Variants in GLI2 observed in about 807,000 individuals in gnomAD.
The protein encoded by GLI2 is transcription activator GLI2.
GLI2 carries 22 observed loss-of-function variants against 78.9 expected under a neutral mutation model. That is an observed-to-expected ratio of 0.28 (90% CI 0.20 to 0.40). The LOEUF is 0.40. GLI2 is among the 10% of genes least tolerant of loss of function. The probability of loss-of-function intolerance (pLI) is 1.00; values close to 1 mark genes in which losing one functional copy is unlikely to be tolerated. For missense variants in GLI2, 2,097 were observed against 2,213.2 expected (o/e 0.95, Z 1.05); for synonymous variants, 974 against 963.7 (o/e 1.01, Z -0.20).
chr2:120,769,601 A>T (rs1683467411), intron 1 of GLI2, among the ~76,000 whole-genome samples: 1 of 152,216 alleles, frequency 6.6e-6, no homozygotes, highest in Non-Finnish European at 1.5e-5. Context: ...AGGCAAGCTC[A>T]GAGTCTTGCC....
At chr2:120,771,131 C>T (rs886961192) in intron 1 of GLI2, among the ~76,000 whole-genome samples, 4 of 152,232 alleles carry the variant, frequency 2.6e-5, no homozygotes, top group Non-Finnish European at 4.4e-5. Flanking sequence ...GTGGGCTCTG[C>T]CTGTGTCCTG....
intron 4 of GLI2, among the ~76,000 whole-genome samples, chr2:120,953,173 C>T (rs1681077999): frequency 6.6e-6 from 1 of 152,252 alleles, no homozygotes; most frequent in Non-Finnish European, 1.5e-5. Flanking sequence ...AGATTATCCA[C>T]ACAGGCCCTA....
intron 3 of GLI2, among the ~76,000 whole-genome samples, chr2:120,933,155 A>G (rs1434580142): frequency 6.6e-6 from 1 of 152,128 alleles, no homozygotes; most frequent in Admixed American, 6.5e-5. Context: ...CACGTGGGGA[A>G]GGCAGGGCAT....
rs898058768 is a variant in GLI2 at position 120,800,864 on chromosome 2, G to A, written c.148+3396G>A. ...TGACTTATTACACATCAGAGAAGGT[G>A]TGGGGTGGGTGGGTCTTATCTGAGG... On this transcript the variant is annotated intron_variant, in intron 2 of 13. Coordinates refer to ENST00000361492, the MANE Select transcript of GLI2 (RefSeq NM_001374353.1). This position sits in a 1 kb window ranked among gnomAD's most constrained non-coding sequence, Gnocchi z 4.1. Among the ~76,000 whole-genome samples the A allele has an allele frequency of 3.9e-5, 6 of 152,196 alleles. No homozygotes were observed. Among genetic ancestry groups the A allele is most frequent in the East Asian group, 1.9e-4 (1 of 5,194 alleles).
At chr2:120,811,882 C>T (rs868440341) in intron 2 of GLI2, among the ~76,000 whole-genome samples, 15 of 152,060 alleles carry the variant, frequency 9.9e-5, no homozygotes, top group African/African-American at 2.9e-4. Flanking sequence ...TCCTTTTTTC[C>T]ACAAGTGTTT....
At chr2:120,969,702 G>A (rs1279946682) in intron 6 of GLI2, among the ~76,000 whole-genome samples, 1 of 152,202 alleles carries the variant, frequency 6.6e-6, no homozygotes, top group African/African-American at 2.4e-5. Flanking sequence ...GGCTTGACTG[G>A]GCCAGAATGC....
At chr2:120,909,487 G>T (rs1005369343) in intron 2 of GLI2, among the ~76,000 whole-genome samples, 3 of 152,144 alleles carry the variant, frequency 2.0e-5, no homozygotes, top group South Asian at 2.1e-4. Context: ...TGACTTCATG[G>T]CCCCAGACCT....
chr2:120,989,678 G>C lies in GLI2; in HGVS notation c.3713G>C (p.Ser1238Thr). The C allele has an allele frequency of 6.2e-7, 1 of 1,613,380 alleles. No individual in the cohort carries two copies. Residue 1238 changes from serine (S) to threonine (T), a missense_variant, in exon 14 of 14, where the codon AGC becomes ACC. By Grantham distance (58) the Ser-to-Thr change is moderately conservative. Coordinates refer to ENST00000361492, the MANE Select transcript of GLI2 (RefSeq NM_001374353.1). The part of the protein sequence containing the change: ...ACYGQVHPQL[S>T]PSTISGALNQ... ...TATGGCCAAGTCCACCCCCAGCTGA[G>C]CCCCAGCACCATCAGTGGGGCCCTC...
chr2:120,786,060 G>T (rs778007701), intron 1 of GLI2, among the ~76,000 whole-genome samples: 49 of 152,304 alleles, frequency 3.2e-4, no homozygotes, highest in Non-Finnish European at 6.5e-4. Flanking sequence ...TGGGCTTGGG[G>T]TGGCTCCTGG....
At chr2:120,823,095 G>C (rs889067295) in intron 2 of GLI2, among the ~76,000 whole-genome samples, 1 of 152,040 alleles carries the variant, frequency 6.6e-6, no homozygotes, top group African/African-American at 2.4e-5. Flanking sequence ...CCGCCACCCG[G>C]CTGTGTGTTT....
chr2:120,861,413 T>G (rs1202314708), intron 2 of GLI2, among the ~76,000 whole-genome samples: 1 of 152,196 alleles, frequency 6.6e-6, no homozygotes, highest in Non-Finnish European at 1.5e-5. Context: ...GCTGCCCCTG[T>G]GATTCAGCTC....
intron 1 of GLI2, among the ~76,000 whole-genome samples, chr2:120,791,960 C>T (rs1188198513): frequency 6.6e-6 from 1 of 152,046 alleles, no homozygotes; most frequent in African/African-American, 2.4e-5. Context: ...TGTGCCTATG[C>T]GTGTGGGTCC....
chr2:120,877,080 A>G (rs1252477977), intron 2 of GLI2, among the ~76,000 whole-genome samples: 1 of 152,150 alleles, frequency 6.6e-6, no homozygotes, highest in Non-Finnish European at 1.5e-5. Context: ...CCGGTGATGC[A>G]TTTGCATGGG....
intron 2 of GLI2, among the ~76,000 whole-genome samples, chr2:120,898,542 A>G (rs1558867257): frequency 2.0e-5 from 3 of 152,214 alleles, no homozygotes; most frequent in Admixed American, 1.3e-4. Context: ...TGGAGCACCC[A>G]CTATGGGCTC....
rs761090665 is a variant in GLI2, at chr2:120,988,451, C to T, written c.2486C>T (p.Pro829Leu). 8.2e-5 allele frequency: 129 copies of T among 1,569,302 alleles called. No homozygotes were observed. Among genetic ancestry groups the T allele is most frequent in the Non-Finnish European group, 9.8e-5 (114 of 1,167,478 alleles). The change falls in exon 14 of 14, where the codon CCG (proline) becomes CTG (leucine). Residue 829 changes from proline to leucine, a missense_variant. By Grantham distance (98) the Pro-to-Leu change is moderately conservative (BLOSUM62 -3). Coordinates refer to ENST00000361492, the MANE Select transcript of GLI2 (RefSeq NM_001374353.1). ...SEASPLGAGR[P>L]HNASSADSYD... is the part of the protein sequence containing the mutation. ...GCCTCGCCCCTGGGCGCCGGCCGCC[C>T]GCACAACGCGAGCTCCGCTGACTCC...
At chr2:120,748,767 G>C (rs1383660127) in intron 1 of GLI2, among the ~76,000 whole-genome samples, 1 of 152,114 alleles carries the variant, frequency 6.6e-6, no homozygotes, top group Admixed American at 6.5e-5. Context: ...CTTTCTGTCT[G>C]GTGGGTGGTG....
At chr2:120,915,523 T>C (rs72955368) in intron 2 of GLI2, among the ~76,000 whole-genome samples, 11,201 of 152,266 alleles carry the variant, frequency 0.074, 533 homozygotes, top group African/African-American at 0.13. Context: ...CTGTGGCTTA[T>C]TATTGAAAAT....
intron 2 of GLI2, among the ~76,000 whole-genome samples, chr2:120,843,912 C>T (rs573436625): frequency 6.6e-6 from 1 of 152,248 alleles, no homozygotes; most frequent in Non-Finnish European, 1.5e-5. Context: ...AGTGATCCGC[C>T]CACCTCAGCC....
intron 2 of GLI2, among the ~76,000 whole-genome samples, chr2:120,854,850 T>C (rs534566248): frequency 6.6e-6 from 1 of 152,182 alleles, no homozygotes; most frequent in Non-Finnish European, 1.5e-5. Context: ...AAAGTTTGCA[T>C]TTGTAAGTCC....
Sources: gnomAD v4.1 joint callset for allele counts (sites outside exome capture counted in the v4.1 genomes callset) on GRCh38, gnomAD v4.1.1 for gene constraint, Gnocchi (gnomAD v3.1) non-coding constraint, MANE v1.5 for transcripts, NCBI Gene and HGNC (gene_info 2026-07-23, HGNC 2026-07-21) for gene names.